The following NLGN1 variants were observed in gnomAD, a reference collection of about 807,000 sequenced individuals.
NLGN1 encodes neuroligin-1.
A neutral mutation model predicts 65.5 loss-of-function variants in NLGN1; 12 were observed. The observed-to-expected ratio is 0.18, with a 90% CI of 0.12 to 0.30. The LOEUF is 0.30. Ranked by LOEUF, NLGN1 falls within the 10% of genes least tolerant of loss-of-function variation. The pLI, the probability that NLGN1 is intolerant of heterozygous loss-of-function variation, is 1.00. For missense variants in NLGN1, 750 were observed against 1,007.1 expected, an observed-to-expected ratio of 0.74 and a Z score of 3.46; for synonymous variants, 350 against 359.5, an observed-to-expected ratio of 0.97 and a Z score of 0.30.
At chr3:173,839,827 A>T (rs1455934121) in intron 4 of NLGN1, among the ~76,000 whole-genome samples, 2 of 152,156 alleles carry the variant, frequency 1.3e-5, no homozygotes, top group Non-Finnish European at 2.9e-5. Flanking sequence ...AGGAAATTCA[A>T]ATCATCTGGA....
At chr3:173,806,280 G>A (rs1716616688) in intron 3 of NLGN1, among the ~76,000 whole-genome samples, 1 of 152,124 alleles carries the variant, frequency 6.6e-6, no homozygotes, top group African/African-American at 2.4e-5. Context: ...GAGAAATCAA[G>A]GCATTTACAT....
At position 174,098,942 on chromosome 3, in the gene NLGN1, G is replaced by C. The variant is rs560940259; in HGVS notation, c.647-176373G>C. On this transcript the variant is annotated intron_variant, in intron 4 of 6. Coordinates refer to ENST00000457714, the Ensembl canonical transcript of NLGN1. ...TGTTTATACATTTAATGAGATTTTA[G>C]CTTTGTTAACTTAAATGAGATCTCA... Among the ~76,000 whole-genome samples the C allele has an allele frequency of 3.9e-5, 6 of 152,224 alleles. No individual in the cohort carries two copies. The East Asian group carries it at 1.2e-3, about 29-fold the overall frequency.
intron 2 of NLGN1, among the ~76,000 whole-genome samples, chr3:173,567,315 CA>C (rs1191228244): frequency 1.7e-4 from 26 of 152,000 alleles, no homozygotes; most frequent in African/African-American, 6.0e-4. Flanking sequence ...CTAATACATA[CA>C]TTTAATTGGA....
chr3:173,544,039 G>A (rs1739334810), intron 2 of NLGN1, among the ~76,000 whole-genome samples: 1 of 152,022 alleles, frequency 6.6e-6, no homozygotes, highest in African/African-American at 2.4e-5. Context: ...AAACTCCTAT[G>A]GAAAATTCTG....
chr3:173,695,311 T>C lies in NLGN1; in HGVS notation c.493+90220T>C, dbSNP rs909066831. Among the ~76,000 whole-genome samples, 72 of 152,308 alleles carry C rather than the reference T, an allele frequency of 4.7e-4. 1 individual carries two copies. The highest frequency in any genetic ancestry group is 7.3e-5 in the Non-Finnish European group (5 of 68,034). On this transcript the variant is annotated intron_variant, in intron 3 of 6. Transcript: ENST00000457714. ...CAGTCCCCATGTTTCAAAGTAGTTG[T>C]CTTCTAAAATCCATTTGTTAATAGG...
chr3:173,482,903 C>CA (rs1451224630), intron 2 of NLGN1, among the ~76,000 whole-genome samples: 1 of 151,828 alleles, frequency 6.6e-6, no homozygotes, highest in Non-Finnish European at 1.5e-5. Context: ...TAACTTAGGA[C>CA]AAAAAACGTC....
intron 3 of NLGN1, among the ~76,000 whole-genome samples, chr3:173,635,212 T>A (rs538918145): frequency 1.3e-5 from 2 of 152,210 alleles, no homozygotes; most frequent in African/African-American, 4.8e-5. Context: ...CTCCCTACAG[T>A]TTCTTAAGAG....
chr3:173,738,045 A>G (rs146859507), intron 3 of NLGN1, among the ~76,000 whole-genome samples: 1 of 152,030 alleles, frequency 6.6e-6, no homozygotes, highest in Non-Finnish European at 1.5e-5. Context: ...CCATTTCTAT[A>G]TCTTCTTTGG....
At chr3:173,944,124 G>GTTGTGT (rs34721217) in intron 4 of NLGN1, among the ~76,000 whole-genome samples, 5,055 of 139,538 alleles carry the variant, frequency 0.036, 156 homozygotes, top group East Asian at 0.13. Context: ...TAATATTATG[G>GTTGTGT]GTGTGTGTGT....
intron 4 of NLGN1, among the ~76,000 whole-genome samples, chr3:173,867,251 G>A (rs1443084223): frequency 6.6e-6 from 1 of 152,132 alleles, no homozygotes; most frequent in Non-Finnish European, 1.5e-5. Flanking sequence ...TTTCAACCGA[G>A]CAAGAAATGT....
intron 4 of NLGN1, among the ~76,000 whole-genome samples, chr3:174,135,209 T>G (rs1157731990): frequency 6.6e-6 from 1 of 152,208 alleles, no homozygotes; most frequent in Non-Finnish European, 1.5e-5. Flanking sequence ...TCAGAATCTT[T>G]ATTTTAAATA....
At chr3:173,861,452 C>T (rs533084717) in intron 4 of NLGN1, among the ~76,000 whole-genome samples, 16 of 151,314 alleles carry the variant, frequency 1.1e-4, no homozygotes, top group Non-Finnish European at 2.1e-4. Context: ...TCCCAAATTA[C>T]TTACTTTTCA....
chr3:173,805,947 C>T (rs937568577), intron 3 of NLGN1, among the ~76,000 whole-genome samples: 3 of 152,080 alleles, frequency 2.0e-5, no homozygotes, highest in African/African-American at 7.2e-5. Flanking sequence ...CTATTTTTTT[C>T]TCCCAAGGTT....
intron 3 of NLGN1, among the ~76,000 whole-genome samples, chr3:173,747,908 G>A (rs1022778739): frequency 1.4e-5 from 2 of 140,882 alleles, no homozygotes; most frequent in East Asian, 2.3e-4. Flanking sequence ...CCACCACCTG[G>A]GTTTAAGCAA....
At chr3:174,114,212 A>G (rs1715861104) in intron 4 of NLGN1, among the ~76,000 whole-genome samples, 1 of 152,210 alleles carries the variant, frequency 6.6e-6, no homozygotes, top group Non-Finnish European at 1.5e-5. Flanking sequence ...TTTTTATGCC[A>G]TGTGATGCTG....
At chr3:173,867,246 A>T (rs147359481) in intron 4 of NLGN1, among the ~76,000 whole-genome samples, 3 of 152,170 alleles carry the variant, frequency 2.0e-5, no homozygotes, top group African/African-American at 7.2e-5. Context: ...TTTAGTTTCA[A>T]CCGAGCAAGA....
At chr3:173,514,140 A>G (rs569016203) in intron 2 of NLGN1, among the ~76,000 whole-genome samples, 1 of 152,356 alleles carries the variant, frequency 6.6e-6, no homozygotes, top group African/African-American at 2.4e-5. Context: ...TTCTGAATGA[A>G]TCATATGAGA....
At chr3:174,260,020 TC>T (rs1561412582) in intron 4 of NLGN1, among the ~76,000 whole-genome samples, 1 of 152,162 alleles carries the variant, frequency 6.6e-6, no homozygotes, top group Non-Finnish European at 1.5e-5. Flanking sequence ...GAACTCATCA[TC>T]TTTTATGGCT....
At chr3:173,396,341 G>A (rs2148583684), upstream of NLGN1, 1 of 152,294 alleles carries the variant, frequency 6.6e-6, no homozygotes, top group South Asian at 2.1e-4. Context: ...GGATACATTT[G>A]GCTTGCCAAG....
Sources: gnomAD v4.1 joint callset for allele counts (sites outside exome capture counted in the v4.1 genomes callset) on GRCh38, gnomAD v4.1.1 for gene constraint, MANE v1.5 for transcripts, NCBI Gene and HGNC (gene_info 2026-07-23, HGNC 2026-07-21) for gene names.